The following SERPINA12 variants were observed in gnomAD, a reference collection of about 807,000 sequenced individuals.
SERPINA12 encodes serpin family A member 12.
In SERPINA12, 21 loss-of-function variants were observed where a neutral mutation model predicts 25.9. The observed-to-expected ratio is 0.81, with a 90% CI of 0.58 to 1.17. SERPINA12 has a LOEUF of 1.17. Among genes scored for constraint, SERPINA12 ranks in the 50% most tolerant of loss-of-function variants. SERPINA12 has a pLI of 0.00. For missense variants in SERPINA12, 562 were observed against 508.3 expected (o/e 1.11, Z -1.02); for synonymous variants, 220 against 196.0 (o/e 1.12, Z -1.02).
At chr14:94,501,844 G>A (rs1354485015) in intron 1 of SERPINA12, among the ~76,000 whole-genome samples, 1 of 152,088 alleles carries the variant, frequency 6.6e-6, no homozygotes, top group Non-Finnish European at 1.5e-5. Flanking sequence ...CCCATTCCGG[G>A]CCTTTCCATC....
chr14:94,498,350 C>G lies in SERPINA12; in HGVS notation c.48G>C (p.Thr16=). The change falls in exon 2 of 5, where the codon ACG becomes ACC. Residue 16 remains threonine (T), a synonymous_variant. Coordinates refer to ENST00000677451, the MANE Select transcript of SERPINA12 (RefSeq NM_001382267.1). ...AGCTCGGCTTTAGAAGACCTTTCAC[C>G]GTGAGGAGAACAGCCAGAAAAATGG... is the stretch of plus-strand genomic sequence containing the variant. The part of the protein sequence containing the change: ...GLAIFLAVLL[T]VKGLLKPSFS... The G allele has an allele frequency of 6.2e-7, 1 of 1,614,082 alleles. No homozygotes were observed. The highest frequency in any genetic ancestry group is 8.5e-7 in the Non-Finnish European group (1 of 1,180,020).
rs780171767 is a variant in SERPINA12 at position 94,498,193 on chromosome 14, C to T, written c.205G>A (p.Gly69Ser). Reference sequence around the variant, plus strand: ...AAGGGGGATAGGAAGATGTTCCTGCCAGGGTTGTAAAAGGCCAGCTTCTTG... The same window carrying T: ...AAGGGGGATAGGAAGATGTTCCTGCTAGGGTTGTAAAAGGCCAGCTTCTTG... ...LLKKLAFYNP[G>S]RNIFLSPLSI... Residue 69 changes from glycine (G) to serine (S), a missense_variant, in exon 2 of 5, where the codon GGC (glycine) becomes AGC (serine). Transcript: ENST00000677451. 6.2e-7 allele frequency: 1 copy of T among 1,614,146 alleles called. No homozygotes were observed. The highest frequency in any genetic ancestry group is 8.5e-7 in the Non-Finnish European group (1 of 1,180,034).
At chr14:94,515,988 C>T (rs962275969) in exon 2 of SERPINA12, 7 of 152,318 alleles carry the variant, frequency 4.6e-5, no homozygotes, top group African/African-American at 7.2e-5. Context: ...AAGGTGGCGC[C>T]GAGAGAGTGG....
Position 94,509,279 on chromosome 14 carries a change from AACACACACACAC to A in SERPINA12, c.-34+51_-34+62del, listed in dbSNP as rs3065835. 2.4e-3 allele frequency among the ~76,000 whole-genome samples: 323 copies of A among 134,726 alleles called. 4 individuals are homozygous for A. The highest frequency in any genetic ancestry group is 8.0e-3 in the African/African-American group (287 of 36,082). 88.4% of individuals were successfully genotyped at this position (134,726 alleles called of 152,430 possible). A position where few individuals can be genotyped will look rare whatever the true frequency, so the allele number is the denominator to read the frequency against. ...TCTTCTCTAAGACAGAGAAACAGAC[AACACACACACAC>A]ACACACACACACACACACACACACA... is the stretch of plus-strand genomic sequence containing the variant. On this transcript the variant is annotated intron_variant, in intron 1 of 4. Transcript: ENST00000677451.
At chr14:94,487,613 T>A in intron 4 of SERPINA12, 119 bp from the exon 5 acceptor site, 1 of 721,890 alleles carries the variant, frequency 1.4e-6, no homozygotes, top group Non-Finnish European at 2.2e-6. Context: ...AGCACAGCAG[T>A]AACTTGGTTT....
intron 1 of SERPINA12, among the ~76,000 whole-genome samples, chr14:94,502,227 A>G (rs1900761237): frequency 6.6e-6 from 1 of 152,186 alleles, no homozygotes; most frequent in Non-Finnish European, 1.5e-5. Flanking sequence ...TTCCCTATTA[A>G]TTTGGAAAAA....
rs533169892 is a variant in SERPINA12 at position 94,493,000 on chromosome 14, G to A, written c.906-3233C>T. The stretch of plus-strand genomic sequence containing the variant: ...AAATTCTGACATGTTCTACACACAT[G>A]TAAGTTGGTGTGTGTCTGTTGACTT... On this transcript the variant is annotated intron_variant, in intron 3 of 4. Transcript: ENST00000677451. 3.3e-5 allele frequency among the ~76,000 whole-genome samples: 5 copies of A among 152,368 alleles called. No individual in the cohort carries two copies. The East Asian group carries it at 9.7e-4, about 29-fold the overall frequency.
chr14:94,509,988 T>C, upstream of SERPINA12: 1 of 985,310 alleles, frequency 1.0e-6, no homozygotes. Flanking sequence ...CTCTCTCACC[T>C]CCCAGGTGCA....
At chr14:94,506,984 C>T (rs371870200) in intron 1 of SERPINA12, among the ~76,000 whole-genome samples, 8 of 152,288 alleles carry the variant, frequency 5.3e-5, no homozygotes, top group South Asian at 4.1e-4. Flanking sequence ...ACTAGAGAAT[C>T]CAACAGAGCC....
At chr14:94,491,589 C>T (rs755905477) in intron 3 of SERPINA12, among the ~76,000 whole-genome samples, 18 of 151,900 alleles carry the variant, frequency 1.2e-4, no homozygotes, top group African/African-American at 2.7e-4. Flanking sequence ...GCCACAGAGA[C>T]GGCGGAAAGA....
Position 94,500,922 on chromosome 14 carries a change from G to A in SERPINA12, c.-33-2492C>T, listed in dbSNP as rs143060629. 5.8e-4 allele frequency: 575 copies of A among 983,592 alleles called. 6 individuals carry two copies. In the African/African-American group the frequency reaches 9.4e-3, roughly 16 times the overall value. 60.9% of individuals were successfully genotyped at this position (983,592 alleles called of 1,614,324 possible). ...GGACTACTAAGTAGGCAGGAGTTCT[G>A]TGCTCTGCTCTCATGCCTTCGTAGC... On this transcript the variant is annotated intron_variant, in intron 1 of 4. Coordinates refer to ENST00000677451, the MANE Select transcript of SERPINA12 (RefSeq NM_001382267.1).
chr14:94,488,270 G>A (rs1899986749), intron 4 of SERPINA12, among the ~76,000 whole-genome samples: 1 of 152,070 alleles, frequency 6.6e-6, no homozygotes, highest in Non-Finnish European at 1.5e-5. Context: ...AGTGGAATCT[G>A]TGCCATCTGA....
chr14:94,493,941 G>T (rs534512129), intron 3 of SERPINA12, among the ~76,000 whole-genome samples: 16 of 152,230 alleles, frequency 1.1e-4, no homozygotes, highest in African/African-American at 3.6e-4. Context: ...GCTGCAGAGG[G>T]CCTCAGTGAG....
chr14:94,488,199 G>A (rs1899984011), intron 4 of SERPINA12, among the ~76,000 whole-genome samples: 1 of 152,172 alleles, frequency 6.6e-6, no homozygotes, highest in Non-Finnish European at 1.5e-5. Context: ...GTCTGTGGCA[G>A]GAAAGCTCAA....
intron 1 of SERPINA12, chr14:94,503,373 A>G (rs1425883508): frequency 1.1e-6 from 1 of 945,926 alleles, no homozygotes. Flanking sequence ...CTTAAGAAAT[A>G]TGTTTGAGTC....
upstream of SERPINA12, chr14:94,509,905 G>A: frequency 2.3e-6 from 2 of 864,162 alleles, no homozygotes; most frequent in Non-Finnish European, 2.8e-6. Flanking sequence ...CCCTGGGACA[G>A]GACAGGAATG....
At chr14:94,504,544 A>G (rs1025458427) in intron 1 of SERPINA12, among the ~76,000 whole-genome samples, 2 of 152,238 alleles carry the variant, frequency 1.3e-5, no homozygotes, top group Admixed American at 6.5e-5. Context: ...ATTCCCATGT[A>G]TCCCTCACCA....
intron 3 of SERPINA12, among the ~76,000 whole-genome samples, chr14:94,490,562 G>A (rs922087884): frequency 2.6e-5 from 4 of 151,802 alleles, no homozygotes; most frequent in African/African-American, 9.7e-5. Context: ...TCCTCCTCTG[G>A]AGGAGGCCTC....
chr14:94,517,068 G>T (rs79875736), intron 1 of SERPINA12, among the ~76,000 whole-genome samples: 2,493 of 152,344 alleles, frequency 0.016, 68 homozygotes, highest in African/African-American at 0.056. Context: ...CCCTTTGGGG[G>T]CACAGCACAT....
Sources: gnomAD v4.1 joint callset for allele counts (sites outside exome capture counted in the v4.1 genomes callset) on GRCh38, gnomAD v4.1.1 for gene constraint, MANE v1.5 for transcripts, NCBI Gene and HGNC (gene_info 2026-07-23, HGNC 2026-07-21) for gene names.